LNPK: variants seen among roughly 807,000 people sequenced by gnomAD.
LNPK encodes the protein lunapark, ER junction formation factor.
In LNPK, 29 loss-of-function variants were observed where a neutral mutation model predicts 55.2. That is an observed-to-expected ratio of 0.53 (90% CI 0.39 to 0.72). LNPK has a LOEUF of 0.72. LNPK is among the 30% of genes least tolerant of loss of function. The probability of loss-of-function intolerance (pLI) is 0.00; values close to 1 mark genes in which losing one functional copy is unlikely to be tolerated. For synonymous variants in LNPK, 162 were observed against 168.2 expected (o/e 0.96, Z 0.29); for missense variants, 467 against 494.8 (o/e 0.94, Z 0.53).
At chr2:175,945,539 C>T (rs542042694) in intron 9 of LNPK, among the ~76,000 whole-genome samples, 44 of 147,720 alleles carry the variant, frequency 3.0e-4, no homozygotes, top group Admixed American at 7.4e-4. Context: ...AAGATTCCAT[C>T]AGCTAAGTTA....
At chr2:175,991,509 A>G (rs1433411885) in intron 4 of LNPK, among the ~76,000 whole-genome samples, 2 of 152,202 alleles carry the variant, frequency 1.3e-5, no homozygotes, top group East Asian at 3.8e-4. Flanking sequence ...ATTTTTTTAT[A>G]GTAGTATTCA....
At position 175,939,676 on chromosome 2, in the gene LNPK, C is replaced by A; in HGVS notation, c.707-19G>T. 8.1e-7 allele frequency: 1 copy of A among 1,232,548 alleles called. No homozygotes were observed. The allele number at this position is 1,232,548 out of a possible 1,614,324, so 76.4% of individuals were successfully genotyped here. A position where few individuals can be genotyped will look rare whatever the true frequency, so the allele number is the denominator to read the frequency against. ...TGAAGACCTATTAAATAAATAAATA[C>A]ATACAAAATTTATATACATGAAATA... is the stretch of plus-strand genomic sequence containing the variant. On this transcript the variant is annotated intron_variant, in intron 9 of 12. Transcript: ENST00000272748.
intron 12 of LNPK, among the ~76,000 whole-genome samples, chr2:175,932,531 A>T (rs915356076): frequency 1.3e-5 from 2 of 152,180 alleles, no homozygotes; most frequent in South Asian, 4.1e-4. Flanking sequence ...GCAGAAAAGC[A>T]ATTTTTTAAT....
At chr2:175,945,789 T>G (rs1468338655) in intron 9 of LNPK, among the ~76,000 whole-genome samples, 1 of 152,186 alleles carries the variant, frequency 6.6e-6, no homozygotes, top group Non-Finnish European at 1.5e-5. Flanking sequence ...ATCTTAAACC[T>G]CTTGCACATG....
chr2:175,976,671 C>T (rs1003213536), intron 5 of LNPK, among the ~76,000 whole-genome samples: 1 of 152,192 alleles, frequency 6.6e-6, no homozygotes, highest in African/African-American at 2.4e-5. Flanking sequence ...GCCCGACTCC[C>T]TGGAGCTAGG....
At chr2:175,941,088 AAAAAATAC>A in intron 9 of LNPK, 1 of 398,454 alleles carries the variant, frequency 2.5e-6, no homozygotes, top group South Asian at 1.8e-5. Context: ...TCTCTACAAA[AAAAAATAC>A]AAAAATTAGC....
chr2:175,931,195 A>G (rs1183445027), intron 12 of LNPK, among the ~76,000 whole-genome samples: 1 of 152,204 alleles, frequency 6.6e-6, no homozygotes, highest in African/African-American at 2.4e-5. Context: ...AGTTGAGAAA[A>G]AAAGCATATT....
At chr2:176,002,669 T>A (rs1199823389), upstream of LNPK, 1 of 166,688 alleles carries the variant, frequency 6.0e-6, no homozygotes, top group Non-Finnish European at 1.3e-5. Context: ...TGGGTGCATC[T>A]GGAAGGGAGT....
intron 5 of LNPK, 21 bp from the exon 6 acceptor site, chr2:175,970,825 C>A: frequency 7.1e-7 from 1 of 1,404,608 alleles, no homozygotes; most frequent in South Asian, 1.5e-5. Flanking sequence ...AGATTTAAAT[C>A]AAAGATTAAG....
intron 6 of LNPK, 146 bp from the exon 7 acceptor site, chr2:175,964,735 T>A (rs1686242165): frequency 1.6e-6 from 1 of 612,060 alleles, no homozygotes; most frequent in Non-Finnish European, 2.9e-6. Flanking sequence ...AAATCCAGAT[T>A]TTAAAATGGC....
chr2:175,949,272 G>A (rs568958956), intron 8 of LNPK, among the ~76,000 whole-genome samples: 7 of 152,060 alleles, frequency 4.6e-5, no homozygotes, highest in African/African-American at 7.2e-5. Flanking sequence ...ATATCCTAAC[G>A]TCTGCAAATT....
At chr2:176,000,936 C>A (rs965645152) in intron 1 of LNPK, among the ~76,000 whole-genome samples, 1 of 152,086 alleles carries the variant, frequency 6.6e-6, no homozygotes, top group Non-Finnish European at 1.5e-5. Flanking sequence ...TTCATCTGAA[C>A]TAAATACCAC....
chr2:175,995,862 G>A (rs944430052), intron 1 of LNPK, among the ~76,000 whole-genome samples: 1 of 120,792 alleles, frequency 8.3e-6, no homozygotes, highest in African/African-American at 3.1e-5. Context: ...TGCCCAGGCT[G>A]GAGTGCAGTG....
chr2:175,988,859 T>C (rs893751457), intron 4 of LNPK, among the ~76,000 whole-genome samples: 7 of 152,146 alleles, frequency 4.6e-5, no homozygotes, highest in Admixed American at 1.3e-4. Context: ...CTGTAAGCTC[T>C]GCCTCCCGGG....
chr2:175,985,036 T>C (rs868420375), intron 4 of LNPK, among the ~76,000 whole-genome samples: 5 of 152,210 alleles, frequency 3.3e-5, no homozygotes, highest in Non-Finnish European at 7.4e-5. Flanking sequence ...AAAGGAATTA[T>C]TGACACACTG....
At chr2:175,995,277 A>G (rs1275841941) in intron 2 of LNPK, among the ~76,000 whole-genome samples, 4 of 152,182 alleles carry the variant, frequency 2.6e-5, no homozygotes, top group Non-Finnish European at 5.9e-5. Context: ...AAGTATAAGA[A>G]AACAAGATAG....
chr2:175,959,673 C>T (rs550252191), intron 8 of LNPK, among the ~76,000 whole-genome samples: 35 of 152,254 alleles, frequency 2.3e-4, no homozygotes, highest in African/African-American at 7.2e-4. Flanking sequence ...AAATAACCAG[C>T]TAACATCATA....
intron 9 of LNPK, among the ~76,000 whole-genome samples, chr2:175,941,636 CA>C (rs1459738208): frequency 6.6e-6 from 1 of 151,158 alleles, no homozygotes; most frequent in Non-Finnish European, 1.5e-5. Flanking sequence ...ACTAAAAATA[CA>C]AAAATTGGCT....
At chr2:175,953,778 A>C (rs1442172079) in intron 8 of LNPK, among the ~76,000 whole-genome samples, 2 of 151,958 alleles carry the variant, frequency 1.3e-5, no homozygotes, top group Non-Finnish European at 2.9e-5. Flanking sequence ...TACTAAAAAA[A>C]AAAAAAAAAA....
Sources: allele counts gnomAD v4.1 joint callset (sites outside exome capture counted in the v4.1 genomes callset), GRCh38; gene constraint gnomAD v4.1.1; transcripts MANE v1.5; gene names NCBI Gene and HGNC (gene_info 2026-07-23, HGNC 2026-07-21).